Variants in LIX1L observed in about 807,000 individuals in gnomAD.
LIX1L encodes limb and CNS expressed 1 like, also known as LIX1-like protein.
In LIX1L, 20 loss-of-function variants were observed where a neutral mutation model predicts 34.0. The ratio of observed to expected loss-of-function variants is 0.59; its 90% CI spans 0.41 to 0.85. The LOEUF (loss-of-function observed/expected upper bound fraction) is 0.85, where lower values mean the gene tolerates loss of function less well. Ranked by LOEUF, LIX1L falls within the 40% of genes least tolerant of loss-of-function variation. The probability of loss-of-function intolerance (pLI) is 0.00; values close to 1 mark genes in which losing one functional copy is unlikely to be tolerated. For missense variants in LIX1L, 397 were observed against 447.0 expected (o/e 0.89, Z 1.01); for synonymous variants, 170 against 187.4 (o/e 0.91, Z 0.76).
At chr1:145,944,349 A>G (rs988418558) in intron 2 of LIX1L, among the ~76,000 whole-genome samples, 1 of 152,018 alleles carries the variant, frequency 6.6e-6, no homozygotes, top group Non-Finnish European at 1.5e-5. Flanking sequence ...ACAGAGCACA[A>G]CTCTGTCTTA....
In LIX1L at chr1:145,942,704, A is replaced by G. The variant is rs782529691; in HGVS notation, c.597+9T>C. The G allele has an allele frequency of 6.2e-7, 1 of 1,613,704 alleles. No homozygotes were observed. Among genetic ancestry groups the G allele is most frequent in the East Asian group, 2.2e-5 (1 of 44,876 alleles). Reference sequence around the variant, plus strand: ...CCACTCTCCTTCCTTCCAGCTCCATACAACTTACATTAAAAGATGCCAGGG... The same window carrying G: ...CCACTCTCCTTCCTTCCAGCTCCATGCAACTTACATTAAAAGATGCCAGGG... On this transcript the variant is annotated intron_variant, in intron 3 of 5. Transcript: ENST00000604000.
In LIX1L at chr1:145,936,929, C is replaced by T. The variant is rs1648669132; in HGVS notation, c.750G>A (p.Arg250=). Residue 250 remains arginine (R), a synonymous_variant, in exon 5 of 6, where the codon AGG becomes AGA. Coordinates refer to ENST00000604000, the MANE Select transcript of LIX1L (RefSeq NM_153713.3). ...LHWNGSLKAM[R]ERQCSRQEVL... Reference sequence around the variant, plus strand: ...TTACCTGCCGAGAGCATTGTCGTTCCCTCATGGCCTTAAGGCTGCCATTCC... The same window carrying T: ...TTACCTGCCGAGAGCATTGTCGTTCTCTCATGGCCTTAAGGCTGCCATTCC... 5.0e-6 allele frequency: 8 copies of T among 1,613,008 alleles called. No individual in the cohort carries two copies. The highest frequency in any genetic ancestry group is 6.8e-6 in the Non-Finnish European group (8 of 1,179,186).
intron 3 of LIX1L, among the ~76,000 whole-genome samples, chr1:145,938,715 G>A (rs1648764704): frequency 6.6e-6 from 1 of 152,016 alleles, no homozygotes; most frequent in African/African-American, 2.4e-5. Flanking sequence ...AGCCTGCAGA[G>A]TAGCTAGGAC....
At position 145,957,656 on chromosome 1, in the gene LIX1L, T is replaced by G. The variant is rs1649526628; in HGVS notation, c.272A>C (p.His91Pro). ...CTCACCTCGGCCATAGCCCTGCGTG[T>G]GCTTGGCGAAGCTCCTCACCACGGC... is the stretch of plus-strand genomic sequence containing the variant. ...VEAVVRSFAK[H>P]TQGYGRVNVV... The change falls in exon 1 of 6, where the codon CAC becomes CCC. Residue 91 changes from histidine to proline, a missense_variant. By Grantham distance (77) the His-to-Pro change is moderately conservative. Coordinates refer to ENST00000604000, the MANE Select transcript of LIX1L (RefSeq NM_153713.3). The G allele has an allele frequency of 6.5e-6, 10 of 1,543,162 alleles. No individual in the cohort carries two copies. Among genetic ancestry groups the G allele is most frequent in the Non-Finnish European group, 7.8e-6 (9 of 1,150,232 alleles).
intron 2 of LIX1L, among the ~76,000 whole-genome samples, chr1:145,946,070 C>T (rs1457648046): frequency 2.0e-5 from 3 of 151,548 alleles, no homozygotes; most frequent in African/African-American, 7.3e-5. Context: ...TACCACTGCA[C>T]TCCAGCCTGG....
At chr1:145,951,310 C>A (rs587770878) in intron 1 of LIX1L, among the ~76,000 whole-genome samples, 1 of 152,222 alleles carries the variant, frequency 6.6e-6, no homozygotes, top group African/African-American at 2.4e-5. Context: ...GCCTCCCAAA[C>A]TGCCGGGATT....
intron 1 of LIX1L, among the ~76,000 whole-genome samples, chr1:145,955,769 G>C (rs782782856): frequency 1.4e-4 from 21 of 152,172 alleles, no homozygotes; most frequent in Non-Finnish European, 2.6e-4. Flanking sequence ...GATGGGAGGT[G>C]GGGAGATAGG....
intron 3 of LIX1L, among the ~76,000 whole-genome samples, chr1:145,940,493 T>C (rs1158646664): frequency 5.3e-5 from 8 of 151,190 alleles, no homozygotes; most frequent in African/African-American, 1.7e-4. Flanking sequence ...ATTACAGGCA[T>C]GTGCCACAAT....
chr1:145,957,841 A>C lies in LIX1L; in HGVS notation c.87T>G (p.Thr29=). 1 of 1,423,550 alleles carries C rather than the reference A, an allele frequency of 7.0e-7. No individual in the cohort carries two copies. Among genetic ancestry groups the C allele is most frequent in the Non-Finnish European group, 9.2e-7 (1 of 1,089,742 alleles). The allele number at this position is 1,423,550 out of a possible 1,614,324, so 88.2% of individuals were successfully genotyped here. Residue 29 remains threonine (T), a synonymous_variant, in exon 1 of 6, where the codon ACT becomes ACG. Coordinates refer to ENST00000604000, the MANE Select transcript of LIX1L (RefSeq NM_153713.3). ...GTGTGGCGGTGGCGGCCGCGGCCCC[A>C]GTCACTCCGGGCCGCAGCGCTCGGA... The part of the protein sequence containing the change: ...GTLRALRPGV[T]GAAAATATPP...
chr1:145,956,213 T>C (rs944491105), intron 1 of LIX1L, among the ~76,000 whole-genome samples: 6 of 152,172 alleles, frequency 3.9e-5, no homozygotes, highest in Non-Finnish European at 7.4e-5. Flanking sequence ...TGTCTTATAA[T>C]AGGAGTTCAA....
Position 145,936,473 on chromosome 1 carries a change from T to G in LIX1L, c.851A>C (p.Glu284Ala). The change falls in exon 6 of 6, where the codon GAG becomes GCG. Residue 284 changes from glutamate to alanine, a missense_variant. Around this residue, in one of 3 missense-constraint regions of LIX1L, gnomAD observed 174 missense variants for 204.0 expected, o/e 0.85. Coordinates refer to ENST00000604000, the MANE Select transcript of LIX1L (RefSeq NM_153713.3). ...AGACAGTGCCCCCGGCACACTCTGC[T>G]CCCGGCTCACCCAGTCCAAGGCCAT... ...HQMALDWVSREQSVPGALSRE... is the reference protein window; with the variant it reads ...HQMALDWVSRAQSVPGALSRE... 1.2e-6 allele frequency: 2 copies of G among 1,614,144 alleles called. No homozygotes were observed. Among genetic ancestry groups the G allele is most frequent in the Non-Finnish European group, 1.7e-6 (2 of 1,180,008 alleles).
chr1:145,950,766 T>A (rs752856910), intron 1 of LIX1L, among the ~76,000 whole-genome samples: 8 of 152,218 alleles, frequency 5.3e-5, no homozygotes, highest in Non-Finnish European at 1.2e-4. Context: ...ATACCCCTGA[T>A]GTGCTAGGTC....
At position 145,939,394 on chromosome 1, in the gene LIX1L, C is replaced by T. The variant is rs193230202; in HGVS notation, c.598-1695G>A. Among the ~76,000 whole-genome samples, 567 of 151,610 alleles carry T rather than the reference C, an allele frequency of 3.7e-3. 6 individuals are homozygous for T. Among genetic ancestry groups the T allele is most frequent in the South Asian group, 0.027 (131 of 4,798 alleles). On this transcript the variant is annotated intron_variant, in intron 3 of 5. Coordinates refer to ENST00000604000, the MANE Select transcript of LIX1L (RefSeq NM_153713.3). ...GATCTCAGTTCACCGCAACCTCCACCTCCTGGGTTCAAGCGATTTTCCTAC... is the reference window on the plus strand; with the variant it reads ...GATCTCAGTTCACCGCAACCTCCACTTCCTGGGTTCAAGCGATTTTCCTAC...
At chr1:145,951,295 C>T (rs1649291336) in intron 1 of LIX1L, among the ~76,000 whole-genome samples, 1 of 152,204 alleles carries the variant, frequency 6.6e-6, no homozygotes, top group African/African-American at 2.4e-5. Context: ...GATCCACCTG[C>T]CTCGGCCTCC....
chr1:145,937,747 A>G (rs1465557031), intron 3 of LIX1L, 48 bp from the exon 4 acceptor site: 3 of 1,146,968 alleles, frequency 2.6e-6, no homozygotes, highest in Non-Finnish European at 2.7e-6. Context: ...AACCAGGATT[A>G]TCATCTCAAG....
intron 5 of LIX1L, 155 bp from the exon 6 acceptor site, chr1:145,936,707 G>A (rs1648659583): frequency 8.8e-6 from 8 of 904,190 alleles, no homozygotes; most frequent in Middle Eastern, 3.4e-4. Flanking sequence ...TTCCTGCTAC[G>A]GGAAGCAAGA....
chr1:145,952,317 C>T (rs1363024217), intron 1 of LIX1L, among the ~76,000 whole-genome samples: 1 of 151,878 alleles, frequency 6.6e-6, no homozygotes, highest in Non-Finnish European at 1.5e-5. Flanking sequence ...TGTGGAGCAC[C>T]CAAATTTTGT....
chr1:145,947,662 C>A lies in LIX1L; in HGVS notation c.413G>T (p.Cys138Phe). ...GCTTCCCCCAGGCAGGGTGACATAG[C>A]AGACATAAGGAGGGCTGTTGGAGGG... ...MVPSNSPPYVCYVTLPGGSCF... is the reference protein window; with the variant it reads ...MVPSNSPPYVFYVTLPGGSCF... The change falls in exon 2 of 6, where the codon TGC becomes TTC. Residue 138 changes from cysteine to phenylalanine, a missense_variant. By Grantham distance (205) the Cys-to-Phe change is radical. This residue lies in a region of LIX1L where 207 missense variants were observed against 205.2 expected (regional missense o/e 1.01). Transcript: ENST00000604000. 2 of 1,614,154 alleles carry A rather than the reference C, an allele frequency of 1.2e-6. No homozygotes were observed. Among genetic ancestry groups the A allele is most frequent in the South Asian group, 1.1e-5 (1 of 91,078 alleles).
rs782784156 is a variant in LIX1L, at chr1:145,936,522, G to C, written c.802C>G (p.Leu268Val). ...EVLAHYSHRA[L>V]DDDIRHQMAL... ...ATTTGGTGGCGAATATCATCATCCA[G>C]GGCCCGGTGCGAATAATGAGCCAAC... Residue 268 changes from leucine to valine, a missense_variant, in exon 6 of 6, where the codon CTG (leucine) becomes GTG (valine). By Grantham distance (32) the Leu-to-Val change is conservative. Transcript: ENST00000604000. 1.2e-6 allele frequency: 2 copies of C among 1,614,130 alleles called. No homozygotes were observed. Among genetic ancestry groups the C allele is most frequent in the Admixed American group, 1.7e-5 (1 of 60,002 alleles).
Sources: gnomAD v4.1 joint callset for allele counts (sites outside exome capture counted in the v4.1 genomes callset) on GRCh38, gnomAD v4.1.1 for gene constraint, gnomAD v4.1.1 regional missense constraint, MANE v1.5 for transcripts, NCBI Gene and HGNC (gene_info 2026-07-23, HGNC 2026-07-21) for gene names.